Variants in SHE observed in about 807,000 individuals in gnomAD.
The protein encoded by SHE is SH2 domain-containing adapter protein E.
Under a neutral mutation model 49.8 loss-of-function variants are expected in SHE, and 11 were observed. The observed-to-expected ratio is 0.22, with a 90% CI of 0.14 to 0.37. The LOEUF (loss-of-function observed/expected upper bound fraction) is 0.37. Among genes scored for constraint, SHE ranks in the 10% least tolerant of loss-of-function variants. SHE has a pLI of 1.00. For synonymous variants in SHE, 310 were observed against 278.1 expected (o/e 1.11, Z -1.14); for missense variants, 624 against 655.5 (o/e 0.95, Z 0.52).
rs1031437870 is a variant in SHE, at chr1:154,501,295, G to A, written c.591+141C>T. 5.2e-6 allele frequency: 4 copies of A among 771,162 alleles called. No homozygotes were observed. In the African/African-American group the frequency reaches 6.9e-5, roughly 13 times the overall value. 47.8% of individuals were successfully genotyped at this position (771,162 alleles called of 1,614,324 possible). ...CAGTCTAAGAATTTTAAATGGTCAG[G>A]AATTCCCAAATGGTGGAGGGAGAAA... is the stretch of plus-strand genomic sequence containing the variant. On this transcript the variant is annotated intron_variant, in intron 1 of 5. Coordinates refer to ENST00000304760, the MANE Select transcript of SHE (RefSeq NM_001010846.3).
At chr1:154,472,572 C>T (rs762735699) in intron 1 of SHE, among the ~76,000 whole-genome samples, 1 of 152,190 alleles carries the variant, frequency 6.6e-6, no homozygotes, top group Non-Finnish European at 1.5e-5. Context: ...TTCAGTGGAT[C>T]CCTTCTGTGG....
At chr1:154,475,068 G>A (rs1476190179), downstream of SHE, among the ~76,000 whole-genome samples, 1 of 152,192 alleles carries the variant, frequency 6.6e-6, no homozygotes, top group East Asian at 1.9e-4. Context: ...GAGTGAGGGA[G>A]CAGAGTAGGA....
chr1:154,497,132 C>G (rs908377569), intron 2 of SHE, among the ~76,000 whole-genome samples: 1 of 152,228 alleles, frequency 6.6e-6, no homozygotes, highest in Non-Finnish European at 1.5e-5. Flanking sequence ...CCTCCCCACA[C>G]GGAGGGCCTT....
rs182530495 is a variant in SHE at position 154,480,792 on chromosome 1, T to G, written c.*3357A>C. 3.2e-5 allele frequency: 32 copies of G among 985,450 alleles called. No individual in the cohort carries two copies. In the East Asian group the frequency reaches 3.1e-3, roughly 94 times the overall value. 61.0% of individuals were successfully genotyped at this position (985,450 alleles called of 1,614,324 possible). On this transcript the variant is annotated 3_prime_UTR_variant, in exon 6 of 6. Coordinates refer to ENST00000304760, the MANE Select transcript of SHE (RefSeq NM_001010846.3). ...CTAGCTTAAATACACACAAGGCCAG[T>G]GGTTTGCAGGCCATCCTGAGATACA...
At chr1:154,491,397 A>G (rs1009419874) in intron 2 of SHE, among the ~76,000 whole-genome samples, 1 of 152,076 alleles carries the variant, frequency 6.6e-6, no homozygotes, top group African/African-American at 2.4e-5. Flanking sequence ...TGCATACTAC[A>G]CTGTCTTGAG....
At chr1:154,486,435 A>C in intron 4 of SHE, 92 bp downstream of exon 4, 1 of 1,510,074 alleles carries the variant, frequency 6.6e-7, no homozygotes, top group Non-Finnish European at 8.9e-7. Context: ...ATTAACAAAA[A>C]TAATCATGTG....
Position 154,480,530 on chromosome 1 carries a change from C to T in SHE, c.*3619G>A. 1 of 985,506 alleles carries T rather than the reference C, an allele frequency of 1.0e-6. No homozygotes were observed. Among genetic ancestry groups the T allele is most frequent in the Non-Finnish European group, 1.2e-6 (1 of 829,930 alleles). 61.0% of individuals were successfully genotyped at this position (985,506 alleles called of 1,614,324 possible). A position where few individuals can be genotyped will look rare whatever the true frequency, so the allele number is the denominator to read the frequency against. The stretch of plus-strand genomic sequence containing the variant: ...AATTTCCCACCACCTGCCTCAAAAA[C>T]TCCTGGCTGCCCCTATCAGCTACCT... On this transcript the variant is annotated 3_prime_UTR_variant, in exon 6 of 6. Transcript: ENST00000304760.
In SHE at chr1:154,481,913, G is replaced by A. The variant is rs1692028486; in HGVS notation, c.*2236C>T. 9.0e-6 allele frequency: 5 copies of A among 554,712 alleles called. No individual in the cohort carries two copies. Among genetic ancestry groups the A allele is most frequent in the African/African-American group, 4.1e-5 (2 of 48,652 alleles). 34.4% of individuals were successfully genotyped at this position (554,712 alleles called of 1,614,324 possible). A position where few individuals can be genotyped will look rare whatever the true frequency, so the allele number is the denominator to read the frequency against. On this transcript the variant is annotated 3_prime_UTR_variant, in exon 6 of 6. Coordinates refer to ENST00000304760, the MANE Select transcript of SHE (RefSeq NM_001010846.3). ...CACTCAGGCTGGAGTGCAATGGTGC[G>A]ATCATGGCTCGCTGCAGCCTTGACC...
intron 2 of SHE, among the ~76,000 whole-genome samples, chr1:154,495,959 T>C (rs1045452958): frequency 1.2e-4 from 19 of 152,034 alleles, no homozygotes; most frequent in Non-Finnish European, 2.2e-4. Context: ...TAAAAAAAAC[T>C]CTCATTTCTC....
rs1692053933 is a variant in SHE at position 154,482,706 on chromosome 1, A to C, written c.*1443T>G. 24 of 985,292 alleles carry C rather than the reference A, an allele frequency of 2.4e-5. No homozygotes were observed. Among genetic ancestry groups the C allele is most frequent in the Non-Finnish European group, 2.9e-5 (24 of 829,902 alleles). 61.0% of individuals were successfully genotyped at this position (985,292 alleles called of 1,614,324 possible). On this transcript the variant is annotated 3_prime_UTR_variant, in exon 6 of 6. Transcript: ENST00000304760. ...CATTCCCATGGTTTTTTTCACAGTAAATAAACTGGTGATATAAGCTCATGA... is the reference window on the plus strand; with the variant it reads ...CATTCCCATGGTTTTTTTCACAGTACATAAACTGGTGATATAAGCTCATGA...
At position 154,480,636 on chromosome 1, in the gene SHE, T is replaced by C. The variant is rs1434250726; in HGVS notation, c.*3513A>G. On this transcript the variant is annotated 3_prime_UTR_variant, in exon 6 of 6. Transcript: ENST00000304760. Reference sequence around the variant, plus strand: ...TACGGAGACTTCCAACAGCAAAGAATAAAGGCTTTCTAAAATGCTTAAGAA... The same window carrying C: ...TACGGAGACTTCCAACAGCAAAGAACAAAGGCTTTCTAAAATGCTTAAGAA... The C allele has an allele frequency of 1.0e-6, 1 of 985,440 alleles. No homozygotes were observed. Among genetic ancestry groups the C allele is most frequent in the East Asian group, 1.1e-4 (1 of 8,818 alleles). 61.0% of individuals were successfully genotyped at this position (985,440 alleles called of 1,614,324 possible).
chr1:154,480,470 A>T lies in SHE; in HGVS notation c.*3679T>A. The stretch of plus-strand genomic sequence containing the variant: ...TAACAACAGCCAATAACAGACTAGT[A>T]ACAGAGTTACATAATCCAATTAACA... On this transcript the variant is annotated 3_prime_UTR_variant, in exon 6 of 6. Coordinates refer to ENST00000304760, the MANE Select transcript of SHE (RefSeq NM_001010846.3). 8.1e-6 allele frequency: 8 copies of T among 985,480 alleles called. No individual in the cohort carries two copies. Among genetic ancestry groups the T allele is most frequent in the Non-Finnish European group, 9.6e-6 (8 of 829,926 alleles). The allele number at this position is 985,480 out of a possible 1,614,324, so 61.0% of individuals were successfully genotyped here.
chr1:154,478,087 T>C (rs1691926928), downstream of SHE, among the ~76,000 whole-genome samples: 2 of 152,042 alleles, frequency 1.3e-5, no homozygotes, highest in Non-Finnish European at 2.9e-5. Flanking sequence ...AGCGTAATGG[T>C]CTGTGTCAGG....
rs1271365283 is a variant in SHE at position 154,502,272 on chromosome 1, G to C, written c.-246C>G. The stretch of plus-strand genomic sequence containing the variant: ...ACCGTGGCTCTCGGAGGCGGCGGGC[G>C]CCGGGGGCTTCCCCCTGCTCTTTCC... On this transcript the variant is annotated 5_prime_UTR_variant, in exon 1 of 6. Coordinates refer to ENST00000304760, the MANE Select transcript of SHE (RefSeq NM_001010846.3). The C allele has an allele frequency of 4.6e-6, 1 of 218,998 alleles. No individual in the cohort carries two copies. Among genetic ancestry groups the C allele is most frequent in the East Asian group, 1.2e-4 (1 of 8,518 alleles). The allele number at this position is 218,998 out of a possible 1,614,324, so 13.6% of individuals were successfully genotyped here. A position where few individuals can be genotyped will look rare whatever the true frequency, so the allele number is the denominator to read the frequency against.
At chr1:154,498,280 G>C (rs1334896512) in intron 2 of SHE, among the ~76,000 whole-genome samples, 2 of 151,122 alleles carry the variant, frequency 1.3e-5, no homozygotes, top group Non-Finnish European at 3.0e-5. Flanking sequence ...TTTTTTAGTA[G>C]AGACAGGGTT....
intron 5 of SHE, 48 bp downstream of exon 5, chr1:154,485,895 C>T: frequency 6.3e-7 from 1 of 1,594,578 alleles, no homozygotes; most frequent in Non-Finnish European, 8.6e-7. Flanking sequence ...GACTGTCACA[C>T]AGTGTTCCTT....
intron 1 of SHE, among the ~76,000 whole-genome samples, chr1:154,474,298 GT>G (rs774145404): frequency 6.6e-6 from 1 of 152,242 alleles, no homozygotes; most frequent in Non-Finnish European, 1.5e-5. Context: ...TCCTAAGGCA[GT>G]GGCAGCCAGA....
At chr1:154,492,406 G>A (rs1034854126) in intron 2 of SHE, among the ~76,000 whole-genome samples, 34 of 152,118 alleles carry the variant, frequency 2.2e-4, no homozygotes, top group African/African-American at 8.2e-4. Flanking sequence ...CTCATTCTCC[G>A]GAGCCTGTCA....
chr1:154,485,130 T>A (rs528271555), intron 5 of SHE: 11 of 152,250 alleles, frequency 7.2e-5, no homozygotes, highest in African/African-American at 2.6e-4. Context: ...AGACCATTCC[T>A]GGTTGTATAA....
Sources: gnomAD v4.1 joint callset for allele counts (sites outside exome capture counted in the v4.1 genomes callset) on GRCh38, gnomAD v4.1.1 for gene constraint, MANE v1.5 for transcripts, NCBI Gene and HGNC (gene_info 2026-07-23, HGNC 2026-07-21) for gene names.